FRMD4A: variants seen among roughly 807,000 people sequenced by gnomAD.
FRMD4A encodes FERM domain containing 4A.
Under a neutral mutation model 129.1 loss-of-function variants are expected in FRMD4A, and 29 were observed. The observed-to-expected ratio is 0.22, with a 90% CI of 0.17 to 0.31. The LOEUF (loss-of-function observed/expected upper bound fraction) is 0.31. Ranked by LOEUF, FRMD4A falls within the 10% of genes least tolerant of loss-of-function variation. The pLI, the probability that FRMD4A is intolerant of heterozygous loss-of-function variation, is 1.00. For synonymous variants in FRMD4A, 634 were observed against 571.6 expected (o/e 1.11, Z -1.56); for missense variants, 1,272 against 1,375.8 (o/e 0.92, Z 1.19).
At chr10:14,186,313 CCT>C (rs1239687852) in intron 2 of FRMD4A, among the ~76,000 whole-genome samples, 1 of 152,156 alleles carries the variant, frequency 6.6e-6, no homozygotes, top group African/African-American at 2.4e-5. Context: ...ACTAACGCCC[CCT>C]GAATTTGCAC....
At chr10:14,015,292 T>G (rs2095695597) in intron 2 of FRMD4A, among the ~76,000 whole-genome samples, 1 of 120,550 alleles carries the variant, frequency 8.3e-6, no homozygotes, top group Non-Finnish European at 1.6e-5. Context: ...CTTCCCTCCC[T>G]CCCTTCCTTT....
chr10:14,072,767 A>C (rs887907197), intron 2 of FRMD4A, among the ~76,000 whole-genome samples: 3 of 152,228 alleles, frequency 2.0e-5, no homozygotes, highest in Non-Finnish European at 2.9e-5. Context: ...ATATCAGTAC[A>C]TCTCCATTTG....
In FRMD4A at chr10:14,028,350, T is replaced by C. The variant is rs369193307; in HGVS notation, c.46-169438A>G. 4.6e-5 allele frequency among the ~76,000 whole-genome samples: 7 copies of C among 152,190 alleles called. No homozygotes were observed. The East Asian group carries it at 7.7e-4, about 17-fold the overall frequency. On this transcript the variant is annotated intron_variant, in intron 2 of 24. Transcript: ENST00000357447. ...AGGAGGCCTGATGTGATTGAAGTAA[T>C]CTTACATTATTTTTTCTTGGGAAAT...
chr10:14,057,719 G>C (rs990865677), intron 2 of FRMD4A, among the ~76,000 whole-genome samples: 1 of 152,034 alleles, frequency 6.6e-6, no homozygotes, highest in African/African-American at 2.4e-5. Context: ...TACAGGCAGG[G>C]GCCACCCTGC....
At position 13,893,124 on chromosome 10, in the gene FRMD4A, C is replaced by G. The variant is rs552918443; in HGVS notation, c.46-34212G>C. Among the ~76,000 whole-genome samples, 77 of 152,250 alleles carry G rather than the reference C, an allele frequency of 5.1e-4. 1 individual carries two copies. The highest frequency in any genetic ancestry group is 5.6e-4 in the Non-Finnish European group (38 of 68,018). ...TGATCACGGCTCACTGTAACCTCCC[C>G]GTCCTGGGCTCAAGTGATCTTCCTG... On this transcript the variant is annotated intron_variant, in intron 2 of 24. Coordinates refer to ENST00000357447, the MANE Select transcript of FRMD4A (RefSeq NM_018027.5).
At chr10:13,876,695 A>G (rs2094492188) in intron 2 of FRMD4A, among the ~76,000 whole-genome samples, 1 of 152,152 alleles carries the variant, frequency 6.6e-6, no homozygotes, top group Non-Finnish European at 1.5e-5. Context: ...GTCTTATTAT[A>G]CAATAAGTTT....
At chr10:13,703,587 G>A (rs913413277) in intron 13 of FRMD4A, among the ~76,000 whole-genome samples, 1 of 152,172 alleles carries the variant, frequency 6.6e-6, no homozygotes, top group Non-Finnish European at 1.5e-5. Context: ...TCCTGGCTTG[G>A]GGGAGGGGCT....
At chr10:13,716,843 T>C (rs1195378784) in intron 12 of FRMD4A, among the ~76,000 whole-genome samples, 1 of 152,246 alleles carries the variant, frequency 6.6e-6, no homozygotes, top group Non-Finnish European at 1.5e-5. Context: ...CCTCTCTCTG[T>C]ATTATTTTCT....
At chr10:14,185,474 A>T (rs1228423866) in intron 2 of FRMD4A, among the ~76,000 whole-genome samples, 2 of 152,228 alleles carry the variant, frequency 1.3e-5, no homozygotes, top group African/African-American at 2.4e-5. Flanking sequence ...AAAAAACATT[A>T]CAACATTTTG....
At chr10:14,158,349 G>T (rs1840703384) in intron 2 of FRMD4A, among the ~76,000 whole-genome samples, 1 of 152,184 alleles carries the variant, frequency 6.6e-6, no homozygotes, top group Non-Finnish European at 1.5e-5. Flanking sequence ...AGTGGCTCAT[G>T]CCTATAATCT....
At chr10:14,123,388 A>G (rs1436139540) in intron 2 of FRMD4A, among the ~76,000 whole-genome samples, 2 of 152,218 alleles carry the variant, frequency 1.3e-5, no homozygotes, top group Admixed American at 1.3e-4. Flanking sequence ...GTTTTCAGCA[A>G]CTGCATAAAA....
intron 2 of FRMD4A, among the ~76,000 whole-genome samples, chr10:14,004,847 C>G (rs2131626331): frequency 6.6e-6 from 1 of 152,262 alleles, no homozygotes; most frequent in Non-Finnish European, 1.5e-5. Flanking sequence ...AAGCCTCACT[C>G]TTGTCACCCC....
intron 2 of FRMD4A, among the ~76,000 whole-genome samples, chr10:14,052,456 C>T (rs1588875560): frequency 6.6e-6 from 1 of 152,272 alleles, no homozygotes; most frequent in South Asian, 2.1e-4. Context: ...TGCTTGGCTT[C>T]TAGTGAGGCC....
chr10:13,739,705 A>G (rs2090872346), intron 11 of FRMD4A, among the ~76,000 whole-genome samples: 1 of 152,226 alleles, frequency 6.6e-6, no homozygotes, highest in Admixed American at 6.5e-5. Context: ...AAGCAAGTTA[A>G]CTGGATGAAG....
chr10:13,779,040 T>C lies in FRMD4A; in HGVS notation c.384+3882A>G, dbSNP rs1224924260. Among the ~76,000 whole-genome samples, 3 of 152,280 alleles carry C rather than the reference T, an allele frequency of 2.0e-5. No homozygotes were observed. The Middle Eastern group carries it at 0.01, about 518-fold the overall frequency. ...TTATTTATTTAAAAAAAGAATTGGCTGGGTGTGGTGGCTCATGCCTGTAAT... is the reference window on the plus strand; with the variant it reads ...TTATTTATTTAAAAAAAGAATTGGCCGGGTGTGGTGGCTCATGCCTGTAAT... On this transcript the variant is annotated intron_variant, in intron 6 of 24. Coordinates refer to ENST00000357447, the MANE Select transcript of FRMD4A (RefSeq NM_018027.5).
chr10:14,132,201 T>A (rs1032221411), intron 2 of FRMD4A, among the ~76,000 whole-genome samples: 3 of 152,136 alleles, frequency 2.0e-5, no homozygotes, highest in African/African-American at 7.2e-5. Flanking sequence ...GGCAGGAGAA[T>A]CGCTTGAGTC....
chr10:13,763,428 T>G (rs538602565), intron 6 of FRMD4A, among the ~76,000 whole-genome samples: 1 of 152,234 alleles, frequency 6.6e-6, no homozygotes, highest in Non-Finnish European at 1.5e-5. Context: ...TCGGTTGTAC[T>G]AGCCACATTT....
intron 2 of FRMD4A, among the ~76,000 whole-genome samples, chr10:13,918,631 T>C (rs570750408): frequency 6.6e-6 from 1 of 151,958 alleles, no homozygotes; most frequent in Non-Finnish European, 1.5e-5. Context: ...CGGATTCAAG[T>C]GATTCTCCTG....
chr10:13,971,605 C>G, intron 2 of FRMD4A: 1 of 1,105,236 alleles, frequency 9.0e-7, no homozygotes, highest in Non-Finnish European at 1.2e-6. Flanking sequence ...CCACCATTCA[C>G]CACCACTTTC....
Sources: allele counts gnomAD v4.1 joint callset (sites outside exome capture counted in the v4.1 genomes callset), GRCh38; gene constraint gnomAD v4.1.1; transcripts MANE v1.5; gene names NCBI Gene and HGNC (gene_info 2026-07-23, HGNC 2026-07-21).